Variants in DOCK1 observed in about 807,000 individuals in gnomAD.
The protein encoded by DOCK1 is dedicator of cytokinesis 1, also known as dedicator of cytokinesis protein 1.
A neutral mutation model predicts 262.7 loss-of-function variants in DOCK1; 138 were observed. The observed-to-expected ratio is 0.53, with a 90% CI of 0.46 to 0.61. The LOEUF (loss-of-function observed/expected upper bound fraction) is 0.61. DOCK1 is among the 20% of genes least tolerant of loss of function. The pLI, the probability that DOCK1 is intolerant of heterozygous loss-of-function variation, is 0.00. For synonymous variants in DOCK1, 866 were observed against 867.4 expected (o/e 1.00, Z 0.03); for missense variants, 1,908 against 2,370.7 (o/e 0.80, Z 4.05).
intron 31 of DOCK1, among the ~76,000 whole-genome samples, chr10:127,352,883 G>A (rs373510118): frequency 6.6e-6 from 1 of 152,134 alleles, no homozygotes; most frequent in African/African-American, 2.4e-5. Flanking sequence ...GTGAGCCACC[G>A]CACCTGGCCT....
intron 29 of DOCK1, among the ~76,000 whole-genome samples, chr10:127,258,028 A>T (rs2059888100): frequency 6.6e-6 from 1 of 152,032 alleles, no homozygotes. Context: ...TTTCTTTCTC[A>T]TTGCAATTTT....
intron 1 of DOCK1, among the ~76,000 whole-genome samples, chr10:126,910,969 A>G (rs959189357): frequency 6.6e-6 from 1 of 152,188 alleles, no homozygotes; most frequent in Admixed American, 6.5e-5. Flanking sequence ...GTCGAAGGAC[A>G]TCTGAGTTTG....
At chr10:126,963,630 CTTCCCTTCCCTCCTTCCTTCCT>C (rs2037423836) in intron 1 of DOCK1, among the ~76,000 whole-genome samples, 1 of 73,876 alleles carries the variant, frequency 1.4e-5, no homozygotes, top group Non-Finnish European at 2.4e-5. Context: ...CTTCCCTTCC[CTTCCCTTCCCTCCTTCCTTCCT>C]TCCTTCCTTC....
At chr10:127,333,576 T>C (rs1326937539) in intron 29 of DOCK1, among the ~76,000 whole-genome samples, 2 of 152,200 alleles carry the variant, frequency 1.3e-5, no homozygotes, top group Non-Finnish European at 2.9e-5. Context: ...ATAGGCAGCT[T>C]TGGGGGATGA....
rs2065735150 is a variant in DOCK1, at chr10:127,379,931, G to A, written c.3676-151G>A. 9 of 620,162 alleles carry A rather than the reference G, an allele frequency of 1.5e-5. No homozygotes were observed. In the South Asian group the frequency reaches 1.5e-4, roughly 10 times the overall value. 38.4% of individuals were successfully genotyped at this position (620,162 alleles called of 1,614,324 possible). A position where few individuals can be genotyped will look rare whatever the true frequency, so the allele number is the denominator to read the frequency against. Reference sequence around the variant, plus strand: ...GTGAAGAACTGTGTAAGATGGTTTTGCAATTTATGTGAATTTATGGTTCTG... The same window carrying A: ...GTGAAGAACTGTGTAAGATGGTTTTACAATTTATGTGAATTTATGGTTCTG... On this transcript the variant is annotated intron_variant, in intron 35 of 51. Coordinates refer to ENST00000623213, the MANE Select transcript of DOCK1 (RefSeq NM_001290223.2).
At chr10:127,282,384 G>A (rs1014132550) in intron 29 of DOCK1, among the ~76,000 whole-genome samples, 19 of 152,254 alleles carry the variant, frequency 1.2e-4, no homozygotes, top group African/African-American at 4.3e-4. Flanking sequence ...TAGACTTGTT[G>A]ACTTGCATCT....
chr10:126,966,782 C>T (rs917026246), intron 1 of DOCK1, among the ~76,000 whole-genome samples: 2 of 152,122 alleles, frequency 1.3e-5, no homozygotes, highest in African/African-American at 2.4e-5. Flanking sequence ...GGCTGTTTCA[C>T]ACTCTCCTAG....
chr10:127,060,075 G>A (rs541776831), intron 22 of DOCK1, among the ~76,000 whole-genome samples: 4 of 151,922 alleles, frequency 2.6e-5, no homozygotes, highest in African/African-American at 4.8e-5. Context: ...TCTGAGAGTC[G>A]GCTCTGTTAC....
chr10:127,272,624 T>A (rs1382748655), intron 29 of DOCK1, among the ~76,000 whole-genome samples: 1 of 152,208 alleles, frequency 6.6e-6, no homozygotes, highest in Non-Finnish European at 1.5e-5. Flanking sequence ...GCCTCAGTGA[T>A]ATTGCTTGGG....
At chr10:127,236,500 G>GTTTTTTTTT (rs771387854) in intron 27 of DOCK1, among the ~76,000 whole-genome samples, 4 of 66,786 alleles carry the variant, frequency 6.0e-5, no homozygotes, top group Admixed American at 2.4e-4. Flanking sequence ...CTTGACACGG[G>GTTTTTTTTT]TTTTTTTTTT....
intron 10 of DOCK1, among the ~76,000 whole-genome samples, chr10:127,006,186 A>G (rs1419706413): frequency 1.1e-4 from 17 of 152,108 alleles, no homozygotes; most frequent in Admixed American, 1.1e-3. Context: ...TGCCGTGAGC[A>G]AGTCATCCTG....
chr10:127,176,332 C>A lies in DOCK1; in HGVS notation c.2847+48568C>A. The A allele has an allele frequency of 1.2e-6, 2 of 1,613,854 alleles. No homozygotes were observed. The highest frequency in any genetic ancestry group is 1.3e-5 in the African/African-American group (1 of 75,006). ...TATTTCATCTCCAGGGCCAGGCAGGCGGCGGGTTCCACTTCACTCTCCGAC... is the reference window on the plus strand; with the variant it reads ...TATTTCATCTCCAGGGCCAGGCAGGAGGCGGGTTCCACTTCACTCTCCGAC... On this transcript the variant is annotated intron_variant, in intron 27 of 51. Coordinates refer to ENST00000623213, the MANE Select transcript of DOCK1 (RefSeq NM_001290223.2). This position sits in a 1 kb window ranked among gnomAD's most constrained non-coding sequence, Gnocchi z 4.4.
At chr10:127,043,018 G>T in intron 20 of DOCK1, 46 bp from the exon 21 acceptor site, 1 of 1,409,366 alleles carries the variant, frequency 7.1e-7, no homozygotes, top group Non-Finnish European at 9.9e-7. Context: ...TTATAAAATG[G>T]CTTACATTAT....
chr10:127,076,323 A>C (rs1384626128), intron 23 of DOCK1, among the ~76,000 whole-genome samples: 1 of 152,172 alleles, frequency 6.6e-6, no homozygotes, highest in African/African-American at 2.4e-5. Context: ...AACACGGTGA[A>C]ACCCCGTCTC....
chr10:127,134,055 C>T (rs1034638848), intron 27 of DOCK1, among the ~76,000 whole-genome samples: 4 of 152,170 alleles, frequency 2.6e-5, no homozygotes, highest in Non-Finnish European at 5.9e-5. Flanking sequence ...AATGAGTCCA[C>T]CAGTGACAGG....
intron 9 of DOCK1, among the ~76,000 whole-genome samples, chr10:126,999,763 G>A (rs2040455413): frequency 1.3e-5 from 2 of 152,066 alleles, no homozygotes; most frequent in Admixed American, 6.6e-5. Flanking sequence ...TGCAACCTAC[G>A]CCTCCTGGGT....
chr10:127,026,579 T>G, intron 16 of DOCK1, 155 bp downstream of exon 16: 1 of 728,042 alleles, frequency 1.4e-6, no homozygotes. Flanking sequence ...TTCTTCTCTC[T>G]TTTCCTTGAG....
intron 4 of DOCK1, among the ~76,000 whole-genome samples, chr10:126,983,454 A>G (rs2039125040): frequency 6.6e-6 from 1 of 151,442 alleles, no homozygotes; most frequent in African/African-American, 2.4e-5. Flanking sequence ...CTCCAAGTTT[A>G]TTGTCCTGTC....
chr10:126,987,622 G>A lies in DOCK1; in HGVS notation c.324+5G>A, dbSNP rs777644580. Reference sequence around the variant, plus strand: ...ATCTGGAGGCAGCTCTACGTGGTGAGAAAATGAGATATTCATTCAAAGCTT... The same window carrying A: ...ATCTGGAGGCAGCTCTACGTGGTGAAAAAATGAGATATTCATTCAAAGCTT... On this transcript the variant is annotated splice_donor_5th_base_variant and intron_variant, in intron 5 of 51. Transcript: ENST00000623213. The A allele has an allele frequency of 6.4e-7, 1 of 1,553,004 alleles. No individual in the cohort carries two copies.
Sources: gnomAD v4.1 joint callset for allele counts (sites outside exome capture counted in the v4.1 genomes callset) on GRCh38, gnomAD v4.1.1 for gene constraint, Gnocchi (gnomAD v3.1) non-coding constraint, MANE v1.5 for transcripts, NCBI Gene and HGNC (gene_info 2026-07-23, HGNC 2026-07-21) for gene names.